The following FGFR1OP2 variants were observed in gnomAD, a reference collection of about 807,000 sequenced individuals.
FGFR1OP2 encodes fibroblast growth factor receptor 1 oncogene partner 2.
A neutral mutation model predicts 35.2 loss-of-function variants in FGFR1OP2; 17 were observed. The observed-to-expected ratio is 0.48, with a 90% CI of 0.33 to 0.73. The LOEUF is 0.73. Ranked by LOEUF, FGFR1OP2 falls within the 30% of genes least tolerant of loss-of-function variation. FGFR1OP2 has a pLI of 0.02. For synonymous variants in FGFR1OP2, 105 were observed against 104.6 expected (o/e 1.00, Z -0.03); for missense variants, 251 against 307.3 (o/e 0.82, Z 1.37).
At chr12:26,952,393 T>C (rs1262104100) in intron 1 of FGFR1OP2, among the ~76,000 whole-genome samples, 1 of 152,164 alleles carries the variant, frequency 6.6e-6, no homozygotes, top group Non-Finnish European at 1.5e-5. Context: ...TATTGGTTCC[T>C]TTAATGGCCC....
intron 1 of FGFR1OP2, among the ~76,000 whole-genome samples, chr12:26,943,284 T>A (rs1938765897): frequency 6.6e-6 from 1 of 152,230 alleles, no homozygotes; most frequent in Non-Finnish European, 1.5e-5. Flanking sequence ...CTAAACCTTT[T>A]CTGTTTCTAT....
In FGFR1OP2 at chr12:26,960,653, T is replaced by C. The variant is rs374167364; in HGVS notation, c.510+25T>C. ...TGTACACTAAATAAACAGTCAACTT[T>C]TGGGGTGTGGATGGAAGGGGGGTCC... On this transcript the variant is annotated intron_variant, in intron 5 of 6. Transcript: ENST00000229395. The C allele has an allele frequency of 2.6e-4, 421 of 1,597,528 alleles. 1 individual carries two copies. The highest frequency in any genetic ancestry group is 3.4e-4 in the Non-Finnish European group (397 of 1,169,444).
intron 1 of FGFR1OP2, among the ~76,000 whole-genome samples, chr12:26,951,321 G>GTATT (rs1305725463): frequency 2.0e-5 from 3 of 151,342 alleles, no homozygotes; most frequent in Non-Finnish European, 3.0e-5. Context: ...GCTAATTTTT[G>GTATT]TATTTATTTA....
At position 26,938,559 on chromosome 12, in the gene FGFR1OP2, C is replaced by A. The variant is rs1157281455; in HGVS notation, c.-166C>A. On this transcript the variant is annotated 5_prime_UTR_variant, in exon 1 of 7. Transcript: ENST00000229395. ...GAACGCCACTGGCTTCCCGGCCTTC[C>A]GTCCGCTGCCTCCGTCCGATTCTGC... 6.6e-6 allele frequency: 1 copy of A among 152,362 alleles called. No homozygotes were observed. Among genetic ancestry groups the A allele is most frequent in the Non-Finnish European group, 1.5e-5 (1 of 68,112 alleles). The allele number at this position is 152,362 out of a possible 1,614,324, so 9.4% of individuals were successfully genotyped here. A position where few individuals can be genotyped will look rare whatever the true frequency, so the allele number is the denominator to read the frequency against.
chr12:26,945,862 A>G (rs573610677), intron 1 of FGFR1OP2, among the ~76,000 whole-genome samples: 580 of 107,430 alleles, frequency 5.4e-3, no homozygotes, highest in African/African-American at 0.013. Context: ...ACTCCGTCTC[A>G]AAAAAAAAAA....
chr12:26,946,598 C>T (rs1446148744), intron 1 of FGFR1OP2, among the ~76,000 whole-genome samples: 2 of 152,224 alleles, frequency 1.3e-5, no homozygotes, highest in African/African-American at 2.4e-5. Flanking sequence ...GGGCGTGGGC[C>T]ACTGCGCCTG....
chr12:26,961,544 C>T (rs1939105502), intron 5 of FGFR1OP2: 1 of 152,140 alleles, frequency 6.6e-6, no homozygotes, highest in South Asian at 2.1e-4. Flanking sequence ...GGAGACCAGC[C>T]TGGCCAACAT....
intron 1 of FGFR1OP2, among the ~76,000 whole-genome samples, chr12:26,949,770 G>T (rs990525392): frequency 6.6e-6 from 1 of 151,622 alleles, no homozygotes; most frequent in African/African-American, 2.4e-5. Context: ...GTAGAGATGA[G>T]GTTTCATCAT....
Position 26,963,450 on chromosome 12 carries a change from C to A in FGFR1OP2, c.619C>A (p.Leu207Ile). The change falls in exon 6 of 7, where the codon CTT (leucine) becomes ATT (isoleucine). Residue 207 changes from leucine to isoleucine, a missense_variant. Transcript: ENST00000229395. ...CAAGGAACAAGAACGAATATTTCAA[C>A]TTGAAGTAAGTTTTACATTGCAAAT... Reference protein sequence around the residue: ...GCKEQERIFQLEQENKGLREI... With the variant: ...GCKEQERIFQIEQENKGLREI... 6.3e-7 allele frequency: 1 copy of A among 1,595,882 alleles called. No individual in the cohort carries two copies. The highest frequency in any genetic ancestry group is 8.6e-7 in the Non-Finnish European group (1 of 1,168,654).
Position 26,964,619 on chromosome 12 carries a change from G to T in FGFR1OP2, c.648G>T (p.Glu216Asp). The T allele has an allele frequency of 6.2e-7, 1 of 1,612,960 alleles. No homozygotes were observed. The highest frequency in any genetic ancestry group is 2.2e-5 in the East Asian group (1 of 44,850). ...QLEQENKGLR[E>D]ILQITRESFL... is the part of the protein sequence containing the mutation. Reference sequence around the variant, plus strand: ...AGCAAGAAAACAAAGGCTTGAGAGAGATCCTTCAAATAACTCGAGAATCAT... The same window carrying T: ...AGCAAGAAAACAAAGGCTTGAGAGATATCCTTCAAATAACTCGAGAATCAT... Residue 216 changes from glutamate to aspartate, a missense_variant, in exon 7 of 7, where the codon GAG (glutamate) becomes GAT (aspartate). By Grantham distance (45) the Glu-to-Asp change is conservative. Transcript: ENST00000229395.
intron 3 of FGFR1OP2, among the ~76,000 whole-genome samples, chr12:26,956,994 G>A (rs1206554620): frequency 1.3e-5 from 2 of 152,122 alleles, no homozygotes; most frequent in East Asian, 1.9e-4. Flanking sequence ...GTCTGATCAT[G>A]TAATTCTTTT....
intron 1 of FGFR1OP2, among the ~76,000 whole-genome samples, chr12:26,951,971 G>A (rs533538979): frequency 2.1e-4 from 32 of 151,676 alleles, no homozygotes; most frequent in African/African-American, 6.8e-4. Flanking sequence ...ACAATTTGTT[G>A]TAGAGTTTCA....
chr12:26,940,718 A>G (rs371184182), intron 1 of FGFR1OP2, among the ~76,000 whole-genome samples: 1 of 152,274 alleles, frequency 6.6e-6, no homozygotes, highest in East Asian at 1.9e-4. Context: ...GTGGATTTGC[A>G]GATAAGGGAA....
chr12:26,939,827 A>G (rs137963508), intron 1 of FGFR1OP2, among the ~76,000 whole-genome samples: 262 of 152,312 alleles, frequency 1.7e-3, no homozygotes, highest in Middle Eastern at 3.4e-3. Context: ...ATACATATGT[A>G]TGTTTATTGA....
intron 1 of FGFR1OP2, among the ~76,000 whole-genome samples, chr12:26,946,935 T>A (rs540631830): frequency 7.2e-5 from 11 of 152,192 alleles, no homozygotes; most frequent in Non-Finnish European, 5.9e-5. Context: ...TACATTGTCT[T>A]TGTGACTGAC....
intron 1 of FGFR1OP2, among the ~76,000 whole-genome samples, chr12:26,948,097 G>A (rs1475200177): frequency 6.6e-6 from 1 of 152,008 alleles, no homozygotes; most frequent in East Asian, 1.9e-4. Context: ...TCAATGTATA[G>A]GCCTTTTTAG....
chr12:26,964,564 T>G (rs1374983066), intron 6 of FGFR1OP2, 32 bp from the exon 7 acceptor site: 1 of 1,603,800 alleles, frequency 6.2e-7, no homozygotes, highest in East Asian at 2.2e-5. Flanking sequence ...TTGTAGATAG[T>G]GACTGCATCT....
chr12:26,940,149 A>C (rs866046773), intron 1 of FGFR1OP2, among the ~76,000 whole-genome samples: 2 of 152,112 alleles, frequency 1.3e-5, no homozygotes, highest in African/African-American at 4.8e-5. Context: ...CATTCAGGCA[A>C]CTCTTCTACT....
At chr12:26,952,212 G>A (rs1483190715) in intron 1 of FGFR1OP2, among the ~76,000 whole-genome samples, 1 of 149,080 alleles carries the variant, frequency 6.7e-6, no homozygotes, top group East Asian at 2.0e-4. Flanking sequence ...ACCTATTTAT[G>A]TTAACTTTCT....
Sources: allele counts gnomAD v4.1 joint callset (sites outside exome capture counted in the v4.1 genomes callset), GRCh38; gene constraint gnomAD v4.1.1; transcripts MANE v1.5; gene names NCBI Gene and HGNC (gene_info 2026-07-23, HGNC 2026-07-21).